Variants in SGSM1 observed in about 807,000 individuals in gnomAD.
The protein encoded by SGSM1 is RUN and TBC1 domain containing 2.
SGSM1 carries 73 observed loss-of-function variants against 133.8 expected under a neutral mutation model. That is an observed-to-expected ratio of 0.55 (90% CI 0.45 to 0.66). The LOEUF (loss-of-function observed/expected upper bound fraction) is 0.66, where lower values mean the gene tolerates loss of function less well. Among genes scored for constraint, SGSM1 ranks in the 30% least tolerant of loss-of-function variants. The pLI, the probability that SGSM1 is intolerant of heterozygous loss-of-function variation, is 0.00. For missense variants in SGSM1, 1,213 were observed against 1,448.1 expected (o/e 0.84, Z 2.64); for synonymous variants, 563 against 573.0 (o/e 0.98, Z 0.25).
chr22:24,834,096 G>A (rs1929286274), intron 2 of SGSM1, among the ~76,000 whole-genome samples: 1 of 152,282 alleles, frequency 6.6e-6, no homozygotes, highest in African/African-American at 2.4e-5. Flanking sequence ...CTGCATCAGA[G>A]CCTCTCTGGA....
chr22:24,823,039 G>A (rs114970456), intron 2 of SGSM1, among the ~76,000 whole-genome samples: 2,937 of 152,278 alleles, frequency 0.019, 88 homozygotes, highest in African/African-American at 0.062. Flanking sequence ...CTCAGTGCAG[G>A]AAAGACAGTC....
At chr22:24,904,044 A>G (rs981353577) in intron 20 of SGSM1, among the ~76,000 whole-genome samples, 2 of 152,028 alleles carry the variant, frequency 1.3e-5, no homozygotes, top group African/African-American at 4.8e-5. Context: ...ATAGAGGCTA[A>G]GATCATATAT....
At position 24,898,230 on chromosome 22, in the gene SGSM1, A is replaced by T; in HGVS notation, c.2281A>T (p.Ser761Cys). 1 of 1,613,580 alleles carries T rather than the reference A, an allele frequency of 6.2e-7. No individual in the cohort carries two copies. The highest frequency in any genetic ancestry group is 8.5e-7 in the Non-Finnish European group (1 of 1,179,576). Reference sequence around the variant, plus strand: ...GGATGGCAGCGTGGATGACAGGCAGAGCAGCGAGGCCACCACATCTCAGGA... The same window carrying T: ...GGATGGCAGCGTGGATGACAGGCAGTGCAGCGAGGCCACCACATCTCAGGA... ...PRDGSVDDRQ[S>C]SEATTSQDEA... Residue 761 changes from serine to cysteine, a missense_variant, in exon 19 of 25, where the codon AGC (serine) becomes TGC (cysteine). Transcript: ENST00000400358.
intron 16 of SGSM1, 107 bp downstream of exon 16, chr22:24,886,835 T>TA: frequency 1.5e-6 from 2 of 1,375,106 alleles, no homozygotes; most frequent in Middle Eastern, 1.9e-4. Context: ...GGGAGGGAGA[T>TA]ACGGGGAAGA....
At chr22:24,814,393 C>A (rs567562342) in intron 2 of SGSM1, among the ~76,000 whole-genome samples, 22 of 151,976 alleles carry the variant, frequency 1.4e-4, no homozygotes, top group African/African-American at 5.3e-4. Flanking sequence ...ATAAGGAAAT[C>A]GAGGCACAGA....
At chr22:24,918,218 AC>A (rs1933889168) in intron 23 of SGSM1, among the ~76,000 whole-genome samples, 1 of 152,172 alleles carries the variant, frequency 6.6e-6, no homozygotes, top group Non-Finnish European at 1.5e-5. Context: ...ATAGTATCTG[AC>A]ATGGGCCGGG....
intron 21 of SGSM1, among the ~76,000 whole-genome samples, chr22:24,907,128 C>G (rs916616516): frequency 2.6e-5 from 4 of 151,120 alleles, no homozygotes; most frequent in Non-Finnish European, 5.9e-5. Context: ...AGCATCGTGG[C>G]GGGTGCCTGT....
At position 24,879,608 on chromosome 22, in the gene SGSM1, C is replaced by T. The variant is rs2147891131; in HGVS notation, c.1495+82C>T. 3.6e-6 allele frequency: 5 copies of T among 1,380,172 alleles called. No individual in the cohort carries two copies. The Admixed American group carries it at 1.0e-4, about 28-fold the overall frequency. The allele number at this position is 1,380,172 out of a possible 1,614,324, so 85.5% of individuals were successfully genotyped here. A position where few individuals can be genotyped will look rare whatever the true frequency, so the allele number is the denominator to read the frequency against. On this transcript the variant is annotated intron_variant, in intron 14 of 24. Transcript: ENST00000400358. ...TGTATGCCAGCAATATCAAAAGATA[C>T]TGGCTCTGGAGTTTGAACCTCTCCT... is the stretch of plus-strand genomic sequence containing the variant.
intron 19 of SGSM1, 96 bp downstream of exon 19, chr22:24,898,655 A>G: frequency 8.1e-7 from 1 of 1,238,774 alleles, no homozygotes; most frequent in Non-Finnish European, 1.1e-6. Flanking sequence ...CCCCGGAGTC[A>G]GACCTCTGGT....
At chr22:24,809,239 G>GA (rs1927595184) in intron 2 of SGSM1, among the ~76,000 whole-genome samples, 1 of 152,152 alleles carries the variant, frequency 6.6e-6, no homozygotes, top group Admixed American at 6.5e-5. Context: ...GAACAGAAGG[G>GA]AAAGCTCTTT....
chr22:24,863,573 C>T (rs1045062582), intron 9 of SGSM1, among the ~76,000 whole-genome samples: 1 of 152,092 alleles, frequency 6.6e-6, no homozygotes, highest in African/African-American at 2.4e-5. Context: ...GTTATTCTCA[C>T]CAGAACCTGA....
chr22:24,817,393 G>A (rs773706805), intron 2 of SGSM1, among the ~76,000 whole-genome samples: 5 of 149,890 alleles, frequency 3.3e-5, no homozygotes, highest in Non-Finnish European at 7.4e-5. Flanking sequence ...TCACTCTGTC[G>A]CCAGGCTGGA....
At chr22:24,920,767 G>A (rs1933978033) in intron 24 of SGSM1, among the ~76,000 whole-genome samples, 1 of 152,138 alleles carries the variant, frequency 6.6e-6, no homozygotes. Context: ...GAATAATTTT[G>A]CATTTTAATT....
intron 21 of SGSM1, among the ~76,000 whole-genome samples, chr22:24,910,362 A>T (rs1269570063): frequency 2.6e-5 from 4 of 152,262 alleles, no homozygotes; most frequent in African/African-American, 9.6e-5. Context: ...AAACCTGTTA[A>T]AAAAATGGGG....
intron 19 of SGSM1, among the ~76,000 whole-genome samples, chr22:24,901,475 C>T (rs1268582423): frequency 6.6e-6 from 1 of 152,092 alleles, no homozygotes. Context: ...TATTTTCTTG[C>T]CACATCATTG....
In SGSM1 at chr22:24,900,340, C is replaced by CTTCTTTCTTTCTTTCTTTCTTTCT. The variant is rs201367603; in HGVS notation, c.2611-1448_2611-1425dup. Among the ~76,000 whole-genome samples the CTTCTTTCTTTCTTTCTTTCTTTCT allele has an allele frequency of 2.2e-3, 276 of 126,108 alleles. 3 individuals carry two copies. Among genetic ancestry groups the CTTCTTTCTTTCTTTCTTTCTTTCT allele is most frequent in the African/African-American group, 3.3e-3 (99 of 29,562 alleles). The allele number at this position is 126,108 out of a possible 152,430, so 82.7% of individuals were successfully genotyped here. ...CAGCTTTTGTTCTTATTGTTAACCT[C>CTTCTTTCTTTCTTTCTTTCTTTCT]TTCTTTCTTTCTTTCTTTCTTTCTT... is the stretch of plus-strand genomic sequence containing the variant. On this transcript the variant is annotated intron_variant, in intron 19 of 24. Transcript: ENST00000400358.
intron 4 of SGSM1, among the ~76,000 whole-genome samples, chr22:24,849,280 G>A (rs1247673486): frequency 6.6e-6 from 1 of 151,534 alleles, no homozygotes; most frequent in Non-Finnish European, 1.5e-5. Flanking sequence ...GCGGCCAGGT[G>A]CGGTGGCTCA....
At chr22:24,908,411 G>T (rs989594450) in intron 21 of SGSM1, among the ~76,000 whole-genome samples, 1 of 152,128 alleles carries the variant, frequency 6.6e-6, no homozygotes, top group South Asian at 2.1e-4. Flanking sequence ...CAAGAAAGTG[G>T]AAAGAACCCA....
chr22:24,879,028 A>G (rs1300337952), intron 13 of SGSM1, among the ~76,000 whole-genome samples: 1 of 152,188 alleles, frequency 6.6e-6, no homozygotes, highest in Non-Finnish European at 1.5e-5. Context: ...CTTCCTATGC[A>G]GTGGCAAAGA....
Sources: allele counts gnomAD v4.1 joint callset (sites outside exome capture counted in the v4.1 genomes callset), GRCh38; gene constraint gnomAD v4.1.1; transcripts MANE v1.5; gene names NCBI Gene and HGNC (gene_info 2026-07-23, HGNC 2026-07-21).